Variants in GDAP2 observed in about 807,000 individuals in gnomAD.
GDAP2 encodes the protein ganglioside-induced differentiation-associated protein 2.
Under a neutral mutation model 67.0 loss-of-function variants are expected in GDAP2, and 51 were observed. The ratio of observed to expected loss-of-function variants is 0.76; its 90% CI spans 0.61 to 0.96. The LOEUF (loss-of-function observed/expected upper bound fraction) is 0.96, where lower values mean the gene tolerates loss of function less well. Ranked by LOEUF, GDAP2 falls within the 40% of genes least tolerant of loss-of-function variation. The pLI, the probability that GDAP2 is intolerant of heterozygous loss-of-function variation, is 0.00. For synonymous variants in GDAP2, 203 were observed against 207.3 expected, an observed-to-expected ratio of 0.98 and a Z score of 0.18; for missense variants, 547 against 588.3, an observed-to-expected ratio of 0.93 and a Z score of 0.73.
Position 117,867,767 on chromosome 1 carries a change from G to A in GDAP2, c.*2802C>T, listed in dbSNP as rs1234151786. 1.3e-5 allele frequency: 2 copies of A among 151,924 alleles called. No individual in the cohort carries two copies. Among genetic ancestry groups the A allele is most frequent in the African/African-American group, 4.8e-5 (2 of 41,388 alleles). The allele number at this position is 151,924 out of a possible 1,614,324, so 9.4% of individuals were successfully genotyped here. On this transcript the variant is annotated 3_prime_UTR_variant, in exon 14 of 14. Transcript: ENST00000369443. Reference sequence around the variant, plus strand: ...CAATGAAACATAATATACATTAAAGGAGAAAACGTCTTTAAAATATGTACC... The same window carrying A: ...CAATGAAACATAATATACATTAAAGAAGAAAACGTCTTTAAAATATGTACC...
intron 7 of GDAP2, among the ~76,000 whole-genome samples, chr1:117,898,414 C>G (rs112954103): frequency 1.3e-5 from 2 of 152,126 alleles, no homozygotes; most frequent in Non-Finnish European, 2.9e-5. Context: ...AAGATTTTGG[C>G]TTGGTGCTCA....
At chr1:117,923,290 A>G (rs1650325753) in intron 1 of GDAP2, among the ~76,000 whole-genome samples, 1 of 152,252 alleles carries the variant, frequency 6.6e-6, no homozygotes, top group Non-Finnish European at 1.5e-5. Context: ...TAAGAGATTA[A>G]AGACAGGCAT....
chr1:117,897,795 C>T (rs192270062), intron 7 of GDAP2, among the ~76,000 whole-genome samples: 315 of 152,288 alleles, frequency 2.1e-3, no homozygotes, highest in South Asian at 0.012. Context: ...AGTTTCCCCA[C>T]GTCTACTTCA....
At chr1:117,898,491 C>T (rs1649335642) in intron 7 of GDAP2, among the ~76,000 whole-genome samples, 1 of 152,286 alleles carries the variant, frequency 6.6e-6, no homozygotes, top group Middle Eastern at 3.4e-3. Flanking sequence ...TTTCAAGACT[C>T]AGTCCCAGCA....
At chr1:117,883,777 T>A (rs1047798078) in intron 10 of GDAP2, 150 bp from the exon 11 acceptor site, 1 of 537,242 alleles carries the variant, frequency 1.9e-6, no homozygotes, top group Non-Finnish European at 3.3e-6. Context: ...GTGATGAATA[T>A]CCATTCTCTT....
chr1:117,905,891 A>G (rs1649639045), intron 6 of GDAP2, among the ~76,000 whole-genome samples: 1 of 152,160 alleles, frequency 6.6e-6, no homozygotes, highest in Admixed American at 6.5e-5. Context: ...TATTATCAAG[A>G]AAAACCTGAT....
chr1:117,911,769 C>T (rs1166398874), intron 5 of GDAP2, among the ~76,000 whole-genome samples: 1 of 149,688 alleles, frequency 6.7e-6, no homozygotes, highest in Non-Finnish European at 1.5e-5. Flanking sequence ...AAAAAAAAAA[C>T]CTTTTTTTTT....
chr1:117,897,185 C>CA (rs1265696171), intron 7 of GDAP2, among the ~76,000 whole-genome samples, 196 bp from the exon 8 acceptor site: 1 of 152,170 alleles, frequency 6.6e-6, no homozygotes, highest in Non-Finnish European at 1.5e-5. Context: ...CCATGTGTGA[C>CA]AAAGGTTTTA....
chr1:117,877,938 C>T (rs1385406905), intron 13 of GDAP2, 71 bp downstream of exon 13: 2 of 1,521,530 alleles, frequency 1.3e-6, no homozygotes, highest in East Asian at 2.4e-5. Context: ...GGATGTTGTG[C>T]TCGTAAGTGC....
At position 117,899,213 on chromosome 1, in the gene GDAP2, T is replaced by C. The variant is rs1235893765; in HGVS notation, c.640A>G (p.Thr214Ala). ...TAGAGAGGTAGCAGCTTTTGGTAAGTACCCTGTGTCAGAAAAGCAAGACAT... is the reference window on the plus strand; with the variant it reads ...TAGAGAGGTAGCAGCTTTTGGTAAGCACCCTGTGTCAGAAAAGCAAGACAT... The part of the protein sequence containing the change: ...VFAVSDLEEG[T>A]YQKLLPLYFP... Residue 214 changes from threonine to alanine, a missense_variant, in exon 7 of 14, where the codon ACT (threonine) becomes GCT (alanine). Thr to Ala is a moderately conservative substitution (Grantham distance 58, BLOSUM62 0). Transcript: ENST00000369443. 2.5e-6 allele frequency: 4 copies of C among 1,608,214 alleles called. No individual in the cohort carries two copies. Among genetic ancestry groups the C allele is most frequent in the South Asian group, 2.2e-5 (2 of 90,946 alleles).
At chr1:117,924,864 C>A (rs1650389485) in intron 1 of GDAP2, among the ~76,000 whole-genome samples, 2 of 152,124 alleles carry the variant, frequency 1.3e-5, no homozygotes, top group Admixed American at 1.3e-4. Context: ...AATAGACAAG[C>A]TGAACAGAGG....
chr1:117,884,403 A>C (rs1364373232), intron 10 of GDAP2, among the ~76,000 whole-genome samples: 1 of 152,214 alleles, frequency 6.6e-6, no homozygotes, highest in Non-Finnish European at 1.5e-5. Flanking sequence ...AATCACATAG[A>C]AAAAGCTAAG....
intron 2 of GDAP2, among the ~76,000 whole-genome samples, chr1:117,919,127 C>T (rs1408347307): frequency 4.6e-5 from 7 of 152,112 alleles, no homozygotes; most frequent in Non-Finnish European, 8.8e-5. Flanking sequence ...GTAATTCCAG[C>T]ACTTTGGGAG....
chr1:117,868,959 T>C lies in GDAP2; in HGVS notation c.*1610A>G, dbSNP rs1021410089. On this transcript the variant is annotated 3_prime_UTR_variant, in exon 14 of 14. Coordinates refer to ENST00000369443, the MANE Select transcript of GDAP2 (RefSeq NM_017686.4). Reference sequence around the variant, plus strand: ...AATGTAAAGTCTCTTCTTGTTTATATGGGAAAATACAGGATGAATTTAATG... The same window carrying C: ...AATGTAAAGTCTCTTCTTGTTTATACGGGAAAATACAGGATGAATTTAATG... 3 of 152,140 alleles carry C rather than the reference T, an allele frequency of 2.0e-5. No individual in the cohort carries two copies. The highest frequency in any genetic ancestry group is 1.3e-4 in the Admixed American group (2 of 15,250). 9.4% of individuals were successfully genotyped at this position (152,140 alleles called of 1,614,324 possible).
At chr1:117,902,942 A>T (rs1649531136) in intron 6 of GDAP2, among the ~76,000 whole-genome samples, 3 of 152,174 alleles carry the variant, frequency 2.0e-5, no homozygotes, top group Admixed American at 6.5e-5. Context: ...TTTCTTTCAA[A>T]GAGGTCTTAT....
chr1:117,892,902 C>T (rs1301590653), intron 8 of GDAP2, among the ~76,000 whole-genome samples: 1 of 152,076 alleles, frequency 6.6e-6, no homozygotes, highest in African/African-American at 2.4e-5. Context: ...ATACAATTGA[C>T]CCATCCTAGA....
At chr1:117,881,963 T>G in intron 11 of GDAP2, 86 bp from the exon 12 acceptor site, 1 of 738,398 alleles carries the variant, frequency 1.4e-6, no homozygotes, top group Non-Finnish European at 2.4e-6. Context: ...ACTATTTGCC[T>G]GAGTATATAA....
At chr1:117,891,498 C>G (rs1455301311) in intron 8 of GDAP2, among the ~76,000 whole-genome samples, 3 of 152,062 alleles carry the variant, frequency 2.0e-5, no homozygotes, top group Non-Finnish European at 4.4e-5. Context: ...AAGCATTTCT[C>G]TGGTCAGTAA....
chr1:117,923,253 A>C (rs562548429), intron 1 of GDAP2, among the ~76,000 whole-genome samples: 9 of 152,352 alleles, frequency 5.9e-5, no homozygotes, highest in African/African-American at 1.9e-4. Context: ...GGTGACATAC[A>C]TCCTCAGCTT....
Sources: gnomAD v4.1 joint callset for allele counts (sites outside exome capture counted in the v4.1 genomes callset) on GRCh38, gnomAD v4.1.1 for gene constraint, MANE v1.5 for transcripts, NCBI Gene and HGNC (gene_info 2026-07-23, HGNC 2026-07-21) for gene names.